SPATS2L: variants seen among roughly 807,000 people sequenced by gnomAD.
SPATS2L encodes the protein SPATS2-like protein.
SPATS2L carries 30 observed loss-of-function variants against 59.6 expected under a neutral mutation model. That is an observed-to-expected ratio of 0.50 (90% confidence interval 0.38 to 0.68). The LOEUF (loss-of-function observed/expected upper bound fraction) is 0.68. Among genes scored for constraint, SPATS2L ranks in the 30% least tolerant of loss-of-function variants. The probability of loss-of-function intolerance (pLI) is 0.00; values close to 1 mark genes in which losing one functional copy is unlikely to be tolerated. For missense variants in SPATS2L, 615 were observed against 700.0 expected, an observed-to-expected ratio of 0.88 and a Z score of 1.37; for synonymous variants, 252 against 263.5, an observed-to-expected ratio of 0.96 and a Z score of 0.42.
intron 2 of SPATS2L, among the ~76,000 whole-genome samples, chr2:200,365,765 C>T (rs2081249365): frequency 6.6e-6 from 1 of 152,154 alleles, no homozygotes; most frequent in Admixed American, 6.5e-5. Flanking sequence ...TCATCTCACC[C>T]CCAACTCAAA....
chr2:200,451,679 C>T (rs749864810), intron 8 of SPATS2L, among the ~76,000 whole-genome samples: 26 of 152,084 alleles, frequency 1.7e-4, no homozygotes, highest in Non-Finnish European at 7.4e-5. Context: ...GGAGGCTAGG[C>T]CTGGCTGCCT....
intron 3 of SPATS2L, among the ~76,000 whole-genome samples, chr2:200,394,483 C>G (rs529735530): frequency 6.6e-6 from 1 of 152,158 alleles, no homozygotes; most frequent in Non-Finnish European, 1.5e-5. Context: ...GCTCTGTCTC[C>G]CCATGTGAGA....
intron 9 of SPATS2L, among the ~76,000 whole-genome samples, chr2:200,465,661 A>C (rs1403998083): frequency 6.6e-6 from 1 of 152,254 alleles, no homozygotes; most frequent in African/African-American, 2.4e-5. Context: ...TGATTAGCAT[A>C]GTTTGGCAGA....
intron 8 of SPATS2L, among the ~76,000 whole-genome samples, chr2:200,443,280 G>A (rs1189935088): frequency 7.2e-5 from 11 of 152,102 alleles, no homozygotes; most frequent in Admixed American, 7.2e-4. Flanking sequence ...TGAAATATCA[G>A]GTCACAAAAT....
intron 10 of SPATS2L, among the ~76,000 whole-genome samples, chr2:200,468,122 G>A (rs1017357704): frequency 2.6e-5 from 4 of 151,954 alleles, no homozygotes; most frequent in African/African-American, 9.7e-5. Flanking sequence ...GGATCCCTAA[G>A]AGAGAGGCTC....
chr2:200,314,931 T>TTACTAAATTA (rs1253515127), intron 1 of SPATS2L, among the ~76,000 whole-genome samples: 1 of 152,238 alleles, frequency 6.6e-6, no homozygotes, highest in Non-Finnish European at 1.5e-5. Flanking sequence ...ACAAAATATA[T>TTACTAAATTA]TACTAAAATT....
At chr2:200,439,491 T>G (rs758220060) in intron 7 of SPATS2L, among the ~76,000 whole-genome samples, 163 bp downstream of exon 7, 4 of 152,200 alleles carry the variant, frequency 2.6e-5, no homozygotes, top group Non-Finnish European at 5.9e-5. Context: ...CAGAGGTGAT[T>G]CCTCCCATGT....
At chr2:200,320,112 A>T (rs2079515691) in intron 1 of SPATS2L, among the ~76,000 whole-genome samples, 1 of 152,158 alleles carries the variant, frequency 6.6e-6, no homozygotes, top group African/African-American at 2.4e-5. Flanking sequence ...TTTTTTTTAA[A>T]CTAGCTTGAC....
Position 200,440,541 on chromosome 2 carries a change from A to G in SPATS2L, c.653-108A>G, listed in dbSNP as rs183762345. 3.7e-4 allele frequency: 413 copies of G among 1,111,252 alleles called. 3 individuals carry two copies. The African/African-American group carries it at 5.8e-3, about 16-fold the overall frequency. 68.8% of individuals were successfully genotyped at this position (1,111,252 alleles called of 1,614,324 possible). A position where few individuals can be genotyped will look rare whatever the true frequency, so the allele number is the denominator to read the frequency against. On this transcript the variant is annotated intron_variant, in intron 7 of 12. Transcript: ENST00000409140. ...CTCCTGATGGAACTTTTACTAGACA[A>G]AAGATGAGTCCCTTTTTCTGGTGGG...
At chr2:200,342,233 C>G (rs1264769266) in intron 2 of SPATS2L, among the ~76,000 whole-genome samples, 3 of 152,128 alleles carry the variant, frequency 2.0e-5, no homozygotes, top group African/African-American at 7.2e-5. Context: ...AGATATTGGG[C>G]AAGGGATAGA....
At chr2:200,313,287 C>G (rs2105750218) in intron 1 of SPATS2L, among the ~76,000 whole-genome samples, 1 of 152,292 alleles carries the variant, frequency 6.6e-6, no homozygotes, top group Non-Finnish European at 1.5e-5. Flanking sequence ...CTACCAAGAC[C>G]ACAGATCTGG....
chr2:200,475,254 A>G (rs1237796571), intron 12 of SPATS2L, among the ~76,000 whole-genome samples: 1 of 152,228 alleles, frequency 6.6e-6, no homozygotes, highest in Non-Finnish European at 1.5e-5. Context: ...CAGGTCTCAG[A>G]TAACTTAGAA....
intron 5 of SPATS2L, among the ~76,000 whole-genome samples, chr2:200,419,033 T>C (rs1391598611): frequency 1.3e-5 from 2 of 152,160 alleles, no homozygotes; most frequent in Non-Finnish European, 2.9e-5. Flanking sequence ...ACCTTTTTTA[T>C]TGTGTTTATG....
At chr2:200,393,217 A>C in intron 3 of SPATS2L, 3 of 456,880 alleles carry the variant, frequency 6.6e-6, no homozygotes, top group Non-Finnish European at 1.3e-5. Flanking sequence ...CACTTTAAAG[A>C]ATCAGACTCA....
At chr2:200,383,749 T>G (rs1181713951) in intron 2 of SPATS2L, 6 of 303,998 alleles carry the variant, frequency 2.0e-5, no homozygotes, top group Non-Finnish European at 2.5e-5. Context: ...AAATATGCAG[T>G]ATGATTTCTA....
At chr2:200,420,572 T>A (rs2106014741) in intron 6 of SPATS2L, among the ~76,000 whole-genome samples, 1 of 152,280 alleles carries the variant, frequency 6.6e-6, no homozygotes, top group East Asian at 1.9e-4. Flanking sequence ...GCAGTCCAAT[T>A]TAGGGTAATG....
At chr2:200,369,091 A>G (rs1205317964) in intron 2 of SPATS2L, among the ~76,000 whole-genome samples, 3 of 5,950 alleles carry the variant, frequency 5.0e-4, no homozygotes, top group Admixed American at 3.7e-3. Context: ...AAAAAAAAAA[A>G]AAGAAGAGAG....
intron 6 of SPATS2L, among the ~76,000 whole-genome samples, chr2:200,434,562 G>C (rs2084154869): frequency 6.6e-6 from 1 of 152,016 alleles, no homozygotes; most frequent in South Asian, 2.1e-4. Context: ...AAAAGCATTT[G>C]TATTCCTGAC....
chr2:200,340,394 CT>C (rs534903573), intron 2 of SPATS2L, among the ~76,000 whole-genome samples: 3 of 151,572 alleles, frequency 2.0e-5, no homozygotes, highest in Non-Finnish European at 2.9e-5. Context: ...ACTTCAGCAT[CT>C]TTTTTTTTGT....
Sources: gnomAD v4.1 joint callset for allele counts (sites outside exome capture counted in the v4.1 genomes callset) on GRCh38, gnomAD v4.1.1 for gene constraint, MANE v1.5 for transcripts, NCBI Gene and HGNC (gene_info 2026-07-23, HGNC 2026-07-21) for gene names.